Variants in KYNU observed in about 807,000 individuals in gnomAD.
KYNU encodes L-kynurenine hydrolase.
KYNU carries 54 observed loss-of-function variants against 59.2 expected under a neutral mutation model. That is an observed-to-expected ratio of 0.91 (90% CI 0.73 to 1.14). The LOEUF is 1.14. KYNU is among the 50% of genes most tolerant of loss of function. The pLI, the probability that KYNU is intolerant of heterozygous loss-of-function variation, is 0.00. For missense variants in KYNU, 567 were observed against 554.4 expected (o/e 1.02, Z -0.23); for synonymous variants, 177 against 192.0 (o/e 0.92, Z 0.65).
intron 3 of KYNU, among the ~76,000 whole-genome samples, chr2:142,923,307 C>A (rs993720833): frequency 1.1e-4 from 16 of 152,264 alleles, no homozygotes; most frequent in Non-Finnish European, 2.4e-4. Flanking sequence ...ATTTTCAACT[C>A]TATGGGATTT....
chr2:142,908,043 A>G (rs1682357275), intron 2 of KYNU, among the ~76,000 whole-genome samples: 1 of 152,268 alleles, frequency 6.6e-6, no homozygotes, highest in Non-Finnish European at 1.5e-5. Flanking sequence ...TTTCTCAATT[A>G]AACTTACACC....
intron 12 of KYNU, among the ~76,000 whole-genome samples, chr2:143,035,238 C>T (rs1264044174): frequency 6.6e-6 from 1 of 152,172 alleles, no homozygotes; most frequent in Non-Finnish European, 1.5e-5. Flanking sequence ...CTATGTTACC[C>T]AGTCAATATC....
intron 10 of KYNU, among the ~76,000 whole-genome samples, chr2:143,001,924 T>C (rs966938490): frequency 6.6e-6 from 1 of 152,246 alleles, no homozygotes; most frequent in African/African-American, 2.4e-5. Context: ...GTGCAGAAGC[T>C]TTGCTAAACT....
intron 4 of KYNU, among the ~76,000 whole-genome samples, chr2:142,931,738 G>A (rs967029361): frequency 1.3e-5 from 2 of 152,174 alleles, no homozygotes; most frequent in African/African-American, 2.4e-5. Context: ...TGCGCTTTAA[G>A]TACAGATTTA....
intron 10 of KYNU, among the ~76,000 whole-genome samples, chr2:143,012,063 TAAAAAAA>T (rs761883397): frequency 7.9e-6 from 1 of 126,848 alleles, no homozygotes; most frequent in Admixed American, 7.9e-5. Context: ...TAAAGTATAA[TAAAAAAA>T]AAAAAAAAGA....
chr2:142,974,607 C>T (rs999165648), intron 8 of KYNU, among the ~76,000 whole-genome samples: 1 of 152,196 alleles, frequency 6.6e-6, no homozygotes, highest in Non-Finnish European at 1.5e-5. Context: ...CCAGTTTCCC[C>T]CAAGGAGTAA....
intron 8 of KYNU, among the ~76,000 whole-genome samples, chr2:142,978,471 A>C (rs1168831610): frequency 1.3e-5 from 2 of 152,156 alleles, no homozygotes; most frequent in Admixed American, 6.6e-5. Context: ...CTCCATGTTA[A>C]TACCAGGTAG....
At chr2:143,000,729 G>A (rs1471657985) in intron 10 of KYNU, among the ~76,000 whole-genome samples, 2 of 152,204 alleles carry the variant, frequency 1.3e-5, no homozygotes, top group Non-Finnish European at 1.5e-5. Context: ...GATACTAAGT[G>A]AAACTGGGCT....
At chr2:142,918,587 T>C in intron 2 of KYNU, 22 bp from the exon 3 acceptor site, 1 of 1,515,392 alleles carries the variant, frequency 6.6e-7, no homozygotes, top group Non-Finnish European at 8.9e-7. Context: ...TTTTTTTTTT[T>C]TTGACATTTC....
At chr2:142,928,593 T>A (rs1166482298) in intron 4 of KYNU, among the ~76,000 whole-genome samples, 1 of 152,168 alleles carries the variant, frequency 6.6e-6, no homozygotes, top group African/African-American at 2.4e-5. Context: ...GCTGGACTTA[T>A]GCATAGAAAA....
At chr2:143,023,223 C>T (rs1686456765) in intron 10 of KYNU, among the ~76,000 whole-genome samples, 1 of 151,792 alleles carries the variant, frequency 6.6e-6, no homozygotes, top group Non-Finnish European at 1.5e-5. Flanking sequence ...TTCTCTTTAT[C>T]CTAAAAGTAA....
intron 11 of KYNU, among the ~76,000 whole-genome samples, chr2:143,031,760 C>T (rs949906985): frequency 3.3e-5 from 5 of 152,006 alleles, no homozygotes; most frequent in African/African-American, 1.2e-4. Context: ...CAAATTTGGC[C>T]CACAGGCCAT....
At chr2:142,963,646 A>G (rs1382853277) in intron 8 of KYNU, among the ~76,000 whole-genome samples, 1 of 152,226 alleles carries the variant, frequency 6.6e-6, no homozygotes, top group Non-Finnish European at 1.5e-5. Flanking sequence ...AGGTTGTGAC[A>G]TATAAAATTG....
At chr2:142,982,133 A>G (rs1476041579) in intron 8 of KYNU, among the ~76,000 whole-genome samples, 2 of 152,080 alleles carry the variant, frequency 1.3e-5, no homozygotes, top group Non-Finnish European at 2.9e-5. Context: ...CTTTAATTCC[A>G]TTGAGAGTTG....
chr2:142,897,411 C>T (rs1457314384), intron 2 of KYNU, among the ~76,000 whole-genome samples: 1 of 152,192 alleles, frequency 6.6e-6, no homozygotes, highest in Non-Finnish European at 1.5e-5. Context: ...TTACCAGCAA[C>T]TGTAACAACA....
At chr2:143,031,949 TGAGAGA>T (rs139000371) in intron 11 of KYNU, among the ~76,000 whole-genome samples, 1 of 148,406 alleles carries the variant, frequency 6.7e-6, no homozygotes, top group Non-Finnish European at 1.5e-5. Context: ...TGATGGGAGG[TGAGAGA>T]GAGAGAGAAA....
intron 1 of KYNU, among the ~76,000 whole-genome samples, chr2:142,882,408 C>T (rs1270762805): frequency 6.6e-6 from 1 of 151,948 alleles, no homozygotes; most frequent in Non-Finnish European, 1.5e-5. Flanking sequence ...TATATATGTG[C>T]CATGTCAGTT....
chr2:142,930,818 A>C (rs1190869949), intron 4 of KYNU, among the ~76,000 whole-genome samples: 2 of 152,222 alleles, frequency 1.3e-5, no homozygotes, highest in East Asian at 3.8e-4. Context: ...AACTCAATTA[A>C]TAATATATAC....
chr2:142,957,284 A>G (rs1241530204), intron 6 of KYNU, among the ~76,000 whole-genome samples: 1 of 152,124 alleles, frequency 6.6e-6, no homozygotes, highest in East Asian at 1.9e-4. Context: ...TTCCTAGGGT[A>G]AGCCATTTCT....
Sources: allele counts gnomAD v4.1 joint callset (sites outside exome capture counted in the v4.1 genomes callset), GRCh38; gene constraint gnomAD v4.1.1; transcripts MANE v1.5; gene names NCBI Gene and HGNC (gene_info 2026-07-23, HGNC 2026-07-21).